Variants in COL9A1 observed in about 807,000 individuals in gnomAD.
COL9A1 encodes collagen type IX alpha 1 chain, also known as collagen alpha-1(IX) chain.
In COL9A1, 104 loss-of-function variants were observed where a neutral mutation model predicts 142.6. The ratio of observed to expected loss-of-function variants is 0.73; its 90% CI spans 0.62 to 0.86. COL9A1 has a LOEUF of 0.86. Among genes scored for constraint, COL9A1 ranks in the 40% least tolerant of loss-of-function variants. The pLI, the probability that COL9A1 is intolerant of heterozygous loss-of-function variation, is 0.00. For synonymous variants in COL9A1, 466 were observed against 396.0 expected, an observed-to-expected ratio of 1.18 and a Z score of -2.10; for missense variants, 1,210 against 1,176.6, an observed-to-expected ratio of 1.03 and a Z score of -0.42.
At chr6:70,275,029 G>A (rs1269558447) in intron 10 of COL9A1, 2 of 485,164 alleles carry the variant, frequency 4.1e-6, no homozygotes, top group East Asian at 3.7e-5. Context: ...TTATCACAGG[G>A]TTCAATAATT....
chr6:70,289,688 GA>G (rs1773586104), intron 5 of COL9A1, among the ~76,000 whole-genome samples: 1 of 151,980 alleles, frequency 6.6e-6, no homozygotes, highest in African/African-American at 2.4e-5. Context: ...CCAACTGAAA[GA>G]GTATTTGTAA....
intron 33 of COL9A1, among the ~76,000 whole-genome samples, chr6:70,238,922 T>C (rs1055186461): frequency 4.6e-5 from 7 of 152,236 alleles, no homozygotes; most frequent in African/African-American, 1.7e-4. Context: ...GCAGATCACC[T>C]GAGGTAAGGA....
chr6:70,223,695 C>T (rs1446904981), intron 37 of COL9A1, among the ~76,000 whole-genome samples: 16 of 152,382 alleles, frequency 1.0e-4, no homozygotes, highest in East Asian at 1.9e-4. Flanking sequence ...GCGCAGAAAA[C>T]GATCCACCAG....
At chr6:70,270,229 A>G in intron 15 of COL9A1, 85 bp downstream of exon 15, 1 of 1,365,562 alleles carries the variant, frequency 7.3e-7, no homozygotes, top group Non-Finnish European at 1.0e-6. Context: ...GACTCAATTA[A>G]TAGGAACTTC....
chr6:70,226,385 A>G (rs1274758207), intron 36 of COL9A1, among the ~76,000 whole-genome samples: 1 of 152,196 alleles, frequency 6.6e-6, no homozygotes, highest in African/African-American at 2.4e-5. Context: ...CAATCAGAAC[A>G]ATATAAAGAC....
Position 70,263,504 on chromosome 6 carries a change from A to C in COL9A1, c.1342-207T>G, listed in dbSNP as rs190799074. ...AGAAGCCTACATATAAAAAGTCACC[A>C]AAATACCACCATTTAACTATAAAAT... On this transcript the variant is annotated intron_variant, in intron 18 of 37. Transcript: ENST00000357250. 3.1e-3 allele frequency among the ~76,000 whole-genome samples: 472 copies of C among 152,160 alleles called. 1 individual carries two copies. Among genetic ancestry groups the C allele is most frequent in the African/African-American group, 0.011 (438 of 41,552 alleles).
chr6:70,236,823 CTT>C (rs1238451064), intron 33 of COL9A1, among the ~76,000 whole-genome samples: 6 of 146,196 alleles, frequency 4.1e-5, no homozygotes, highest in Admixed American at 6.9e-5. Flanking sequence ...GTAACAACTT[CTT>C]TTTTTTTTTT....
chr6:70,216,908 G>A lies in COL9A1; in HGVS notation c.2755C>T (p.Pro919Ser), dbSNP rs1768539877. Residue 919 changes from proline (P) to serine (S), a missense_variant, in exon 38 of 38, where the codon CCT becomes TCT. Transcript: ENST00000357250. ...QAGQRAFNKGPDP is the reference protein window; with the variant it reads ...QAGQRAFNKGSDP ...CAGCAGTAAGCCTTTCAAGGGTCAG[G>A]CCCTTTGTTAAATGCTCGCTGACCA... 1 of 1,613,936 alleles carries A rather than the reference G, an allele frequency of 6.2e-7. No individual in the cohort carries two copies. Among genetic ancestry groups the A allele is most frequent in the Non-Finnish European group, 8.5e-7 (1 of 1,180,038 alleles).
At chr6:70,258,092 T>A (rs1771438405) in intron 20 of COL9A1, among the ~76,000 whole-genome samples, 1 of 152,234 alleles carries the variant, frequency 6.6e-6, no homozygotes, top group Non-Finnish European at 1.5e-5. Flanking sequence ...GCTAACATAT[T>A]GTACACTATC....
At chr6:70,277,980 C>T (rs1772879430) in intron 10 of COL9A1, among the ~76,000 whole-genome samples, 4 of 152,284 alleles carry the variant, frequency 2.6e-5, no homozygotes, top group South Asian at 2.1e-4. Flanking sequence ...CCAGTTACTG[C>T]ATTTCATTAT....
Position 70,279,353 on chromosome 6 carries a change from A to AG in COL9A1, c.975+1458_975+1459insC, listed in dbSNP as rs201110223. Among the ~76,000 whole-genome samples, 689 of 152,342 alleles carry AG rather than the reference A, an allele frequency of 4.5e-3. 2 individuals carry two copies. The highest frequency in any genetic ancestry group is 0.015 in the African/African-American group (631 of 41,586). Reference sequence around the variant, plus strand: ...GTTTGAGATTCAGTTTTTACTATCTAAATATTAGTCCTTAGGTGCCTCCTG... The same window carrying AG: ...GTTTGAGATTCAGTTTTTACTATCTAGAATATTAGTCCTTAGGTGCCTCCTG... On this transcript the variant is annotated intron_variant, in intron 10 of 37. Transcript: ENST00000357250.
At chr6:70,290,473 A>G (rs1355047439) in intron 5 of COL9A1, among the ~76,000 whole-genome samples, 2 of 152,162 alleles carry the variant, frequency 1.3e-5, no homozygotes. Flanking sequence ...CTAAGTAACC[A>G]TGAATGATGA....
chr6:70,227,474 G>A (rs13201224), intron 36 of COL9A1, among the ~76,000 whole-genome samples: 20,727 of 133,782 alleles, frequency 0.15, 1,865 homozygotes, highest in Non-Finnish European at 0.21. Flanking sequence ...CTATAAGATC[G>A]GCAAAAATTC....
chr6:70,251,335 G>A (rs956068014), intron 28 of COL9A1, among the ~76,000 whole-genome samples: 13 of 152,096 alleles, frequency 8.5e-5, no homozygotes, highest in Non-Finnish European at 1.5e-4. Flanking sequence ...TCTTGAAGCC[G>A]GGAGTTCAAG....
At chr6:70,255,442 A>C (rs749514024) in intron 21 of COL9A1, 52 bp from the exon 22 acceptor site, 2 of 1,508,776 alleles carry the variant, frequency 1.3e-6, no homozygotes, top group Non-Finnish European at 1.8e-6. Flanking sequence ...TTATTAATCA[A>C]CTTTTAAAAA....
intron 5 of COL9A1, among the ~76,000 whole-genome samples, chr6:70,284,548 T>G (rs1773366754): frequency 6.6e-6 from 1 of 152,198 alleles, no homozygotes; most frequent in African/African-American, 2.4e-5. Context: ...ACTTCTTACA[T>G]TGTTAGCAGG....
chr6:70,228,974 G>A (rs1388897262), intron 36 of COL9A1, among the ~76,000 whole-genome samples: 1 of 152,078 alleles, frequency 6.6e-6, no homozygotes, highest in African/African-American at 2.4e-5. Flanking sequence ...CTGTCTAAAT[G>A]TGCCACATTT....
intron 10 of COL9A1, among the ~76,000 whole-genome samples, chr6:70,277,316 C>G (rs540151150): frequency 1.7e-4 from 25 of 151,328 alleles, no homozygotes; most frequent in African/African-American, 5.8e-4. Flanking sequence ...CAAGTTCTGT[C>G]TTATCTAATT....
At chr6:70,288,578 G>A (rs1429117640) in intron 5 of COL9A1, among the ~76,000 whole-genome samples, 1 of 152,144 alleles carries the variant, frequency 6.6e-6, no homozygotes, top group Non-Finnish European at 1.5e-5. Context: ...TCTCCATCAT[G>A]TTACCTCTCC....
Sources: gnomAD v4.1 joint callset for allele counts (sites outside exome capture counted in the v4.1 genomes callset) on GRCh38, gnomAD v4.1.1 for gene constraint, MANE v1.5 for transcripts, NCBI Gene and HGNC (gene_info 2026-07-23, HGNC 2026-07-21) for gene names.